The following GIGYF2 variants were observed in gnomAD, a reference collection of about 807,000 sequenced individuals.
GIGYF2 encodes GRB10-interacting GYF protein 2.
GIGYF2 carries 25 observed loss-of-function variants against 208.1 expected under a neutral mutation model. That is an observed-to-expected ratio of 0.12 (90% CI 0.09 to 0.17). The LOEUF is 0.17. Ranked by LOEUF, GIGYF2 falls within the 10% of genes least tolerant of loss-of-function variation. The probability of loss-of-function intolerance (pLI) is 1.00; values close to 1 mark genes in which losing one functional copy is unlikely to be tolerated. For missense variants in GIGYF2, 1,302 were observed against 1,579.4 expected, an observed-to-expected ratio of 0.82 and a Z score of 2.98; for synonymous variants, 534 against 543.8, an observed-to-expected ratio of 0.98 and a Z score of 0.25.
chr2:232,787,724 CA>C (rs1699958605), intron 9 of GIGYF2, among the ~76,000 whole-genome samples: 1 of 152,130 alleles, frequency 6.6e-6, no homozygotes, highest in African/African-American at 2.4e-5. Flanking sequence ...TTTTTCCTAA[CA>C]AGAAAGGGTT....
intron 22 of GIGYF2, among the ~76,000 whole-genome samples, chr2:232,834,277 G>A (rs866695081): frequency 2.0e-5 from 3 of 152,238 alleles, no homozygotes; most frequent in Middle Eastern, 3.4e-3. Flanking sequence ...GAGGTGGCAT[G>A]GAGTCAGTCA....
intron 2 of GIGYF2, among the ~76,000 whole-genome samples, chr2:232,714,575 G>A (rs1418986777): frequency 6.6e-6 from 1 of 152,016 alleles, no homozygotes; most frequent in Non-Finnish European, 1.5e-5. Context: ...TACTCATTAA[G>A]TGTACATTTT....
At chr2:232,752,377 AC>A (rs1019993839) in intron 5 of GIGYF2, among the ~76,000 whole-genome samples, 2 of 152,202 alleles carry the variant, frequency 1.3e-5, no homozygotes, top group African/African-American at 4.8e-5. Context: ...TGCTGAAGTT[AC>A]CTGAAATACG....
intron 21 of GIGYF2, among the ~76,000 whole-genome samples, chr2:232,831,502 A>G (rs1280498071): frequency 6.6e-6 from 1 of 152,200 alleles, no homozygotes; most frequent in Non-Finnish European, 1.5e-5. Context: ...CAAGAAGCAC[A>G]GCCTATGTGT....
At chr2:232,836,409 T>TAA (rs1553537422) in intron 22 of GIGYF2, among the ~76,000 whole-genome samples, 3 of 130,486 alleles carry the variant, frequency 2.3e-5, no homozygotes, top group Non-Finnish European at 4.7e-5. Flanking sequence ...AATATATATA[T>TAA]AAATAAATTA....
chr2:232,713,995 G>GC (rs1440956249), intron 2 of GIGYF2, among the ~76,000 whole-genome samples: 1 of 149,858 alleles, frequency 6.7e-6, no homozygotes, highest in Non-Finnish European at 1.5e-5. Flanking sequence ...TGTCACCCAG[G>GC]CTGGAGTGTA....
rs1163865821 is a variant in GIGYF2, at chr2:232,724,207, ATTTTTTTTTT to A, written c.-43-10935_-43-10926del. Among the ~76,000 whole-genome samples, 11 of 114,228 alleles carry A rather than the reference ATTTTTTTTTT, an allele frequency of 9.6e-5. No homozygotes were observed. In the East Asian group the frequency reaches 1.1e-3, roughly 11 times the overall value. The allele number at this position is 114,228 out of a possible 152,430, so 74.9% of individuals were successfully genotyped here. On this transcript the variant is annotated intron_variant, in intron 2 of 28. Coordinates refer to ENST00000373563, the MANE Select transcript of GIGYF2 (RefSeq NM_001103146.3). ...CAGGCGCCCGCTGCCACACCTGGCT[ATTTTTTTTTT>A]TTTTTTTTTTTTGTATTTTTAGTAG...
intron 22 of GIGYF2, among the ~76,000 whole-genome samples, chr2:232,837,530 C>T (rs1701677107): frequency 6.6e-6 from 1 of 152,206 alleles, no homozygotes; most frequent in South Asian, 2.1e-4. Flanking sequence ...TCTCAGCTCA[C>T]TGCAACCTCC....
intron 8 of GIGYF2, chr2:232,776,816 A>G (rs1055550253): frequency 1.5e-5 from 3 of 205,526 alleles, no homozygotes; most frequent in Admixed American, 1.2e-4. Context: ...GTAAGTTTGC[A>G]TAATCTTACT....
At chr2:232,777,995 G>A (rs1057494312) in intron 8 of GIGYF2, among the ~76,000 whole-genome samples, 10 of 151,956 alleles carry the variant, frequency 6.6e-5, no homozygotes, top group East Asian at 5.8e-4. Context: ...CACCCAGGCT[G>A]GAGTGCAGTG....
Position 232,747,503 on chromosome 2 carries a change from G to A in GIGYF2, c.42-112G>A, listed in dbSNP as rs539421902. On this transcript the variant is annotated intron_variant, in intron 3 of 28. Coordinates refer to ENST00000373563, the MANE Select transcript of GIGYF2 (RefSeq NM_001103146.3). ...AAAGTCTGATACTTTGAGATAGTAG[G>A]ATTTCTTTTTGCTCTTCTAAAGAAC... is the stretch of plus-strand genomic sequence containing the variant. 132 of 1,135,452 alleles carry A rather than the reference G, an allele frequency of 1.2e-4. No homozygotes were observed. In the Admixed American group the frequency reaches 2.3e-3, roughly 20 times the overall value. The allele number at this position is 1,135,452 out of a possible 1,614,324, so 70.3% of individuals were successfully genotyped here.
At position 232,806,939 on chromosome 2, in the gene GIGYF2, A is replaced by G. The variant is rs981174159; in HGVS notation, c.1806+282A>G. ...CAGCAGATGTAGAATGAAGACCAAC[A>G]TCTTATCCTGGCCTACCTACGAGGT... is the stretch of plus-strand genomic sequence containing the variant. On this transcript the variant is annotated intron_variant, in intron 15 of 28. Coordinates refer to ENST00000373563, the MANE Select transcript of GIGYF2 (RefSeq NM_001103146.3). The surrounding 1 kb of genome is among the most constrained non-coding windows in gnomAD (Gnocchi z 4.0). Among the ~76,000 whole-genome samples, 1 of 152,170 alleles carries G rather than the reference A, an allele frequency of 6.6e-6. No individual in the cohort carries two copies. The highest frequency in any genetic ancestry group is 1.5e-5 in the Non-Finnish European group (1 of 68,026).
intron 8 of GIGYF2, among the ~76,000 whole-genome samples, chr2:232,770,261 T>C (rs928623731): frequency 2.6e-5 from 4 of 152,218 alleles, no homozygotes; most frequent in Non-Finnish European, 4.4e-5. Context: ...AAATTATGTA[T>C]GTCACATAAA....
intron 3 of GIGYF2, among the ~76,000 whole-genome samples, chr2:232,741,446 T>A (rs996769518): frequency 6.6e-6 from 1 of 151,490 alleles, no homozygotes; most frequent in African/African-American, 2.4e-5. Flanking sequence ...TTTTTTTTTT[T>A]CTTTTTTTTT....
intron 2 of GIGYF2, among the ~76,000 whole-genome samples, chr2:232,710,181 G>A (rs1268733552): frequency 6.6e-6 from 1 of 151,818 alleles, no homozygotes; most frequent in Non-Finnish European, 1.5e-5. Context: ...GGATGGTCTC[G>A]ATCTCCTGAC....
At chr2:232,790,599 G>A (rs1335721707) in intron 9 of GIGYF2, 99 bp from the exon 10 acceptor site, 14 of 1,009,068 alleles carry the variant, frequency 1.4e-5, no homozygotes, top group African/African-American at 1.6e-5. Context: ...TGAGTTTGCG[G>A]TCACTTGTAG....
At chr2:232,834,714 C>T (rs908432348) in intron 22 of GIGYF2, among the ~76,000 whole-genome samples, 2 of 152,174 alleles carry the variant, frequency 1.3e-5, no homozygotes, top group Admixed American at 1.3e-4. Context: ...TGTCTCATTT[C>T]TCTAAGGCTC....
At chr2:232,763,536 T>C (rs912314923) in intron 8 of GIGYF2, among the ~76,000 whole-genome samples, 1 of 152,066 alleles carries the variant, frequency 6.6e-6, no homozygotes, top group Non-Finnish European at 1.5e-5. Context: ...TAATAAAAAT[T>C]ATGTGAGGCT....
At chr2:232,846,035 T>C (rs1404192554) in intron 26 of GIGYF2, 149 bp downstream of exon 26, 2 of 686,816 alleles carry the variant, frequency 2.9e-6, no homozygotes, top group African/African-American at 1.8e-5. Context: ...GACTCTTTAA[T>C]AGTATTACTT....
Sources: gnomAD v4.1 joint callset for allele counts (sites outside exome capture counted in the v4.1 genomes callset) on GRCh38, gnomAD v4.1.1 for gene constraint, Gnocchi (gnomAD v3.1) non-coding constraint, MANE v1.5 for transcripts, NCBI Gene and HGNC (gene_info 2026-07-23, HGNC 2026-07-21) for gene names.